The following CDH18 variants were observed in gnomAD, a reference collection of about 807,000 sequenced individuals.
CDH18 encodes the protein cadherin-18.
In CDH18, 31 loss-of-function variants were observed where a neutral mutation model predicts 67.9. That is an observed-to-expected ratio of 0.46 (90% CI 0.34 to 0.62). CDH18 has a LOEUF of 0.62. CDH18 is among the 20% of genes least tolerant of loss of function. The pLI, the probability that CDH18 is intolerant of heterozygous loss-of-function variation, is 0.01. For missense variants in CDH18, 890 were observed against 975.5 expected, an observed-to-expected ratio of 0.91 and a Z score of 1.17; for synonymous variants, 362 against 347.2, an observed-to-expected ratio of 1.04 and a Z score of -0.48.
chr5:19,614,554 G>A (rs1749518127), intron 5 of CDH18, among the ~76,000 whole-genome samples: 1 of 151,942 alleles, frequency 6.6e-6, no homozygotes, highest in Non-Finnish European at 1.5e-5. Context: ...TCTACCACTT[G>A]AAAAAAGTAA....
In CDH18 at chr5:19,506,840, A is replaced by G. The variant is rs551762961; in HGVS notation, c.1513-3731T>C. 2.5e-3 allele frequency among the ~76,000 whole-genome samples: 386 copies of G among 152,356 alleles called. 3 individuals are homozygous for G. The highest frequency in any genetic ancestry group is 8.7e-3 in the African/African-American group (363 of 41,582). ...AGGCATTACCATTCAGGACATAGGC[A>G]TGGGCAAGGACTTCCTGTCTAAAAC... is the stretch of plus-strand genomic sequence containing the variant. On this transcript the variant is annotated intron_variant, in intron 10 of 12. Coordinates refer to ENST00000382275, the MANE Select transcript of CDH18 (RefSeq NM_004934.5).
At chr5:19,729,369 T>A (rs1375233980) in intron 4 of CDH18, among the ~76,000 whole-genome samples, 2 of 152,232 alleles carry the variant, frequency 1.3e-5, no homozygotes, top group Non-Finnish European at 2.9e-5. Context: ...AAAAAAGTTG[T>A]ATAGTTGACA....
intron 2 of CDH18, among the ~76,000 whole-genome samples, chr5:20,043,272 C>T (rs1196333557): frequency 6.6e-6 from 1 of 152,114 alleles, no homozygotes; most frequent in Non-Finnish European, 1.5e-5. Context: ...TGCATCCACC[C>T]TTCCTCATGA....
intron 1 of CDH18, among the ~76,000 whole-genome samples, chr5:20,289,550 A>G (rs1277058620): frequency 6.6e-6 from 1 of 151,972 alleles, no homozygotes; most frequent in Admixed American, 6.6e-5. Flanking sequence ...TTTAGTGCCA[A>G]TTTTGGGACT....
At chr5:19,881,647 C>T (rs1260326816) in intron 2 of CDH18, among the ~76,000 whole-genome samples, 4 of 151,662 alleles carry the variant, frequency 2.6e-5, no homozygotes, top group Non-Finnish European at 4.4e-5. Flanking sequence ...TACCTGATTA[C>T]AGGCATGCAC....
chr5:20,279,730 C>CAAAAAAAAAAAAAAAAA (rs1309866477), intron 1 of CDH18, among the ~76,000 whole-genome samples: 43 of 66,684 alleles, frequency 6.4e-4, no homozygotes, highest in Middle Eastern at 7.8e-3. Context: ...AAAAAAAAAG[C>CAAAAAAAAAAAAAAAAA]AAAAACTGTA....
chr5:20,564,259 G>GA (rs1758374293), intron 1 of CDH18, among the ~76,000 whole-genome samples: 6 of 39,282 alleles, frequency 1.5e-4, no homozygotes, highest in Admixed American at 3.0e-4. Context: ...TATTATCACA[G>GA]TTTTATTTAT....
intron 2 of CDH18, among the ~76,000 whole-genome samples, chr5:19,959,268 T>G (rs74894197): frequency 1.3e-5 from 2 of 151,956 alleles, no homozygotes; most frequent in African/African-American, 2.4e-5. Flanking sequence ...TAGGTGAGTG[T>G]GTGTAAAACT....
chr5:19,717,018 A>G (rs1194034211), intron 5 of CDH18, among the ~76,000 whole-genome samples: 2 of 152,236 alleles, frequency 1.3e-5, no homozygotes, highest in Non-Finnish European at 2.9e-5. Flanking sequence ...ATACAAATGT[A>G]TGATCTCCAT....
chr5:19,942,222 A>T (rs1299241720), intron 2 of CDH18, among the ~76,000 whole-genome samples: 1 of 152,142 alleles, frequency 6.6e-6, no homozygotes, highest in Non-Finnish European at 1.5e-5. Context: ...CCCTTTTGGA[A>T]GAAGAATTTC....
At chr5:20,259,326 C>A (rs1207406581) in intron 1 of CDH18, among the ~76,000 whole-genome samples, 1 of 152,086 alleles carries the variant, frequency 6.6e-6, no homozygotes. Context: ...ATGCACCAAT[C>A]AGAGCTTTTA....
chr5:19,747,288 A>ATTATGT, intron 3 of CDH18, 52 bp from the exon 4 acceptor site: 1 of 1,455,310 alleles, frequency 6.9e-7, no homozygotes, highest in Non-Finnish European at 9.5e-7. Context: ...CCAACCTCAC[A>ATTATGT]TTATGTTCTC....
In CDH18 at chr5:20,463,337, G is replaced by T. The variant is rs76172952; in HGVS notation, c.-580+112125C>A. On this transcript the variant is annotated intron_variant, in intron 1 of 14. Coordinates refer to the CDH18 transcript ENST00000507958. ...AAGAGACAACTGACAAGATGCAGAC[G>T]TATCTTGTCAGTATGTTCAAAGTAT... is the stretch of plus-strand genomic sequence containing the variant. 4.7e-4 allele frequency among the ~76,000 whole-genome samples: 71 copies of T among 152,024 alleles called. No homozygotes were observed. In the East Asian group the frequency reaches 0.013, roughly 27 times the overall value.
At chr5:20,044,953 ACTCT>A (rs1561743885) in intron 2 of CDH18, among the ~76,000 whole-genome samples, 2 of 151,976 alleles carry the variant, frequency 1.3e-5, no homozygotes, top group South Asian at 2.1e-4. Context: ...ATATTTGCTC[ACTCT>A]CTCTCTCATT....
intron 1 of CDH18, among the ~76,000 whole-genome samples, chr5:20,426,878 G>T (rs1244029417): frequency 6.6e-6 from 1 of 150,990 alleles, no homozygotes; most frequent in Non-Finnish European, 1.5e-5. Context: ...GTAAAATCTG[G>T]CTATGTCAAT....
At chr5:19,827,460 T>G (rs1250047162) in intron 3 of CDH18, among the ~76,000 whole-genome samples, 1 of 151,954 alleles carries the variant, frequency 6.6e-6, no homozygotes, top group East Asian at 1.9e-4. Flanking sequence ...ACAAATGACA[T>G]AAACTGTAAA....
chr5:20,439,439 T>C (rs929080505), intron 1 of CDH18, among the ~76,000 whole-genome samples: 6 of 144,368 alleles, frequency 4.2e-5, no homozygotes, highest in East Asian at 2.1e-4. Context: ...AGGACTTAGA[T>C]ACACAAGATA....
At chr5:19,727,749 T>C (rs1203253320) in intron 4 of CDH18, among the ~76,000 whole-genome samples, 2 of 152,196 alleles carry the variant, frequency 1.3e-5, no homozygotes, top group East Asian at 3.8e-4. Flanking sequence ...AATTGTGTAT[T>C]ATGTTTGCAA....
intron 2 of CDH18, among the ~76,000 whole-genome samples, chr5:19,952,349 T>C (rs945006094): frequency 6.6e-6 from 1 of 152,100 alleles, no homozygotes; most frequent in African/African-American, 2.4e-5. Flanking sequence ...GCACCCAGCC[T>C]ATACTTTTCC....
Sources: allele counts gnomAD v4.1 joint callset (sites outside exome capture counted in the v4.1 genomes callset), GRCh38; gene constraint gnomAD v4.1.1; transcripts MANE v1.5; gene names NCBI Gene and HGNC (gene_info 2026-07-23, HGNC 2026-07-21).